CASK: variants seen among roughly 807,000 people sequenced by gnomAD.
The protein encoded by CASK is peripheral plasma membrane protein CASK.
In CASK, 4 loss-of-function variants were observed where a neutral mutation model predicts 82.9. The observed-to-expected ratio is 0.05, with a 90% confidence interval of 0.02 to 0.11. CASK has a LOEUF of 0.11. Among genes scored for constraint, CASK ranks in the 10% least tolerant of loss-of-function variants. CASK has a pLI of 1.00. For missense variants in CASK, 358 were observed against 720.9 expected (o/e 0.50, Z 5.76); for synonymous variants, 259 against 253.5 (o/e 1.02, Z -0.20).
At chrX:41,677,221 T>A (rs894286102) in intron 5 of CASK, among the ~76,000 whole-genome samples, 9 of 109,853 alleles carry the variant, frequency 8.2e-5, no homozygotes, top group Non-Finnish European at 1.7e-4. Context: ...AAGATGACAT[T>A]AAGGGGAAGC....
intron 3 of CASK, among the ~76,000 whole-genome samples, chrX:41,766,503 G>C (rs1205770242): frequency 8.9e-6 from 1 of 111,898 alleles, no homozygotes; most frequent in African/African-American, 3.2e-5. Context: ...ACAACACATT[G>C]GCCAATCTTG....
At chrX:41,854,051 T>A (rs1006089099) in intron 1 of CASK, among the ~76,000 whole-genome samples, 1 of 111,615 alleles carries the variant, frequency 9.0e-6, no homozygotes, top group Non-Finnish European at 1.9e-5. Flanking sequence ...TTAATTTTCC[T>A]CAAACTTCAA....
chrX:41,885,823 T>G (rs1302342997), intron 1 of CASK, among the ~76,000 whole-genome samples: 1 of 111,911 alleles, frequency 8.9e-6, no homozygotes, highest in Non-Finnish European at 1.9e-5. Flanking sequence ...CTCCATTGCT[T>G]TAATTTGCCA....
chrX:41,841,448 G>A (rs184439962), intron 2 of CASK, among the ~76,000 whole-genome samples: 1 of 108,315 alleles, frequency 9.2e-6, no homozygotes, highest in East Asian at 2.9e-4. Flanking sequence ...TGAGATACTA[G>A]ATTATCAAAT....
chrX:41,651,378 A>AAAAAC (rs1309914385), intron 8 of CASK, among the ~76,000 whole-genome samples: 1 of 111,666 alleles, frequency 9.0e-6, no homozygotes, highest in South Asian at 3.7e-4. Context: ...CAAACAAATA[A>AAAAAC]AAAACAAAAC....
intron 6 of CASK, 98 bp downstream of exon 6, chrX:41,671,330 T>A: frequency 1.8e-6 from 1 of 551,823 alleles, no homozygotes. Flanking sequence ...GAATGAGGTA[T>A]GAAACACTGA....
At chrX:41,899,720 T>TATCAACA (rs1306302982) in intron 1 of CASK, among the ~76,000 whole-genome samples, 2 of 112,241 alleles carry the variant, frequency 1.8e-5, no homozygotes, top group Non-Finnish European at 3.8e-5. Flanking sequence ...ATATATTGCA[T>TATCAACA]ATCAACAAAT....
intron 3 of CASK, among the ~76,000 whole-genome samples, chrX:41,750,945 G>A (rs1438133546): frequency 8.9e-6 from 1 of 112,675 alleles, no homozygotes; most frequent in Non-Finnish European, 1.9e-5. Context: ...GCAGACTGGT[G>A]ACAGATTGGT....
At chrX:41,681,901 G>A (rs1166855515) in intron 5 of CASK, among the ~76,000 whole-genome samples, 4 of 107,893 alleles carry the variant, frequency 3.7e-5, no homozygotes, top group African/African-American at 1.4e-4. Context: ...AGCCGAGATT[G>A]CACCACTGCA....
At chrX:41,524,413 GT>G (rs1414159471) in intron 25 of CASK, 7 of 176,815 alleles carry the variant, frequency 4.0e-5, no homozygotes, top group African/African-American at 1.9e-4. Context: ...CTGCCGGCTG[GT>G]TTTACCACTA....
Position 41,853,234 on chromosome X carries a change from A to G in CASK, c.60-7T>C, listed in dbSNP as rs1228425221. ...TACAACACTGAAGGGACCCCTATAA[A>G]ACAAAAAGTCAATTTTAATTCATTG... On this transcript the variant is annotated splice_region_variant and splice_polypyrimidine_tract_variant and intron_variant, in intron 1 of 26. Coordinates refer to ENST00000378163, the MANE Select transcript of CASK (RefSeq NM_001367721.1). The G allele has an allele frequency of 9.0e-7, 1 of 1,106,769 alleles. No homozygotes were observed. The highest frequency in any genetic ancestry group is 3.0e-5 in the East Asian group (1 of 33,363). 91.2% of individuals were successfully genotyped at this position (1,106,769 alleles called of 1,213,427 possible). A position where few individuals can be genotyped will look rare whatever the true frequency, so the allele number is the denominator to read the frequency against.
intron 2 of CASK, among the ~76,000 whole-genome samples, chrX:41,836,369 C>T (rs1248525001): frequency 9.0e-6 from 1 of 111,411 alleles, no homozygotes; most frequent in Admixed American, 9.6e-5. Flanking sequence ...CAGTTTTGCT[C>T]AAACTATTCC....
At chrX:41,921,917 T>A (rs2072789675) in intron 1 of CASK, among the ~76,000 whole-genome samples, 1 of 103,132 alleles carries the variant, frequency 9.7e-6, no homozygotes, top group Non-Finnish European at 2.0e-5. Flanking sequence ...CAATGTTAGC[T>A]CTAGCGATCC....
At position 41,517,998 on chromosome X, in the gene CASK, T is replaced by G. The variant is rs41309743; in HGVS notation, c.*2422A>C. On this transcript the variant is annotated 3_prime_UTR_variant, in exon 27 of 27. Coordinates refer to ENST00000378163, the MANE Select transcript of CASK (RefSeq NM_001367721.1). ...AATGATGGCAAGAATGATGCCTGCCTGTGTGCTTCTCAGAGGACGTATAAA... is the reference window on the plus strand; with the variant it reads ...AATGATGGCAAGAATGATGCCTGCCGGTGTGCTTCTCAGAGGACGTATAAA... The G allele has an allele frequency of 1.8e-3, 708 of 392,227 alleles. 4 individuals are homozygous for G. Among genetic ancestry groups the G allele is most frequent in the African/African-American group, 0.017 (678 of 39,018 alleles). The allele number at this position is 392,227 out of a possible 1,213,427, so 32.3% of individuals were successfully genotyped here.
intron 5 of CASK, among the ~76,000 whole-genome samples, chrX:41,678,894 A>G (rs757795529): frequency 2.6e-4 from 28 of 109,542 alleles, no homozygotes; most frequent in Admixed American, 8.8e-4. Flanking sequence ...TTGAAATTTA[A>G]TATTTGTTTA....
At chrX:41,812,592 A>C (rs1456907588) in intron 2 of CASK, among the ~76,000 whole-genome samples, 5 of 111,579 alleles carry the variant, frequency 4.5e-5, no homozygotes, top group Non-Finnish European at 9.4e-5. Flanking sequence ...GACGTATCTC[A>C]AAATAATAAG....
chrX:41,745,450 G>T, intron 4 of CASK, 74 bp downstream of exon 4: 1 of 670,376 alleles, frequency 1.5e-6, no homozygotes, highest in Non-Finnish European at 2.4e-6. Flanking sequence ...TTATCAGTTT[G>T]TCATGTGATG....
chrX:41,526,596 C>T lies in CASK; in HGVS notation c.2521-2562G>A, dbSNP rs143043142. Among the ~76,000 whole-genome samples, 475 of 112,156 alleles carry T rather than the reference C, an allele frequency of 4.2e-3. 3 individuals are homozygous for T. The highest frequency in any genetic ancestry group is 0.015 in the African/African-American group (456 of 30,867). ...CTATATCCATAGACTGCACTCACTG[C>T]ATAAAACCATCAATGGTGGCCATGT... On this transcript the variant is annotated intron_variant, in intron 25 of 26. Transcript: ENST00000378163.
intron 2 of CASK, among the ~76,000 whole-genome samples, chrX:41,843,654 GA>G (rs2071092412): frequency 9.0e-6 from 1 of 111,097 alleles, no homozygotes; most frequent in African/African-American, 3.3e-5. Context: ...TAATCACTTC[GA>G]AAAGAAATCC....
Sources: allele counts gnomAD v4.1 joint callset (sites outside exome capture counted in the v4.1 genomes callset), GRCh38; gene constraint gnomAD v4.1.1; transcripts MANE v1.5; gene names NCBI Gene and HGNC (gene_info 2026-07-23, HGNC 2026-07-21).